The following LYPD6 variants were observed in gnomAD, a reference collection of about 807,000 sequenced individuals.
LYPD6 encodes the protein ly6/PLAUR domain-containing protein 6.
LYPD6 carries 15 observed loss-of-function variants against 22.7 expected under a neutral mutation model. The ratio of observed to expected loss-of-function variants is 0.66; its 90% confidence interval spans 0.44 to 1.02. LYPD6 has a LOEUF of 1.02. Among genes scored for constraint, LYPD6 ranks in the 50% least tolerant of loss-of-function variants. LYPD6 has a pLI of 0.00. For missense variants in LYPD6, 189 were observed against 208.4 expected (o/e 0.91, Z 0.57); for synonymous variants, 72 against 77.5 (o/e 0.93, Z 0.37).
At chr2:149,336,775 A>C (rs894543349) in intron 1 of LYPD6, among the ~76,000 whole-genome samples, 3 of 152,230 alleles carry the variant, frequency 2.0e-5, no homozygotes, top group African/African-American at 4.8e-5. Context: ...AATAAGATTT[A>C]GTATTATAAC....
rs561863512 is a variant in LYPD6 at position 149,470,762 on chromosome 2, C to T, written c.428C>T (p.Thr143Met). The change falls in exon 5 of 5, where the codon ACG (threonine) becomes ATG (methionine). Residue 143 changes from threonine (T) to methionine (M), a missense_variant. By Grantham distance (81) the Thr-to-Met change is moderately conservative. Transcript: ENST00000334166. ...RNETDATFAT[T>M]SPINQTNGHP... ...GAAACTGATGCCACATTTGCCACGA[C>T]GTCACCTATAAATCAGACAAATGGG... is the stretch of plus-strand genomic sequence containing the variant. The T allele has an allele frequency of 3.0e-5, 49 of 1,613,796 alleles. No individual in the cohort carries two copies. In the East Asian group the frequency reaches 4.0e-4, roughly 13 times the overall value.
At chr2:149,407,807 C>T (rs1194689983) in intron 1 of LYPD6, among the ~76,000 whole-genome samples, 2 of 152,168 alleles carry the variant, frequency 1.3e-5, no homozygotes, top group Non-Finnish European at 2.9e-5. Flanking sequence ...AGGAGAGGCA[C>T]TCTGGTTTTT....
chr2:149,468,911 C>T (rs956302522), intron 4 of LYPD6, 136 bp downstream of exon 4: 153 of 848,934 alleles, frequency 1.8e-4, no homozygotes, highest in Admixed American at 1.2e-3. Flanking sequence ...TATGAAAAGA[C>T]GCTTCCTTTC....
At chr2:149,418,309 A>G (rs560883462) in intron 1 of LYPD6, among the ~76,000 whole-genome samples, 1 of 152,348 alleles carries the variant, frequency 6.6e-6, no homozygotes, top group African/African-American at 2.4e-5. Flanking sequence ...CGATTCGATC[A>G]TTTCCTTTTT....
chr2:149,364,591 G>T, intron 1 of LYPD6, among the ~76,000 whole-genome samples: 2 of 149,754 alleles, frequency 1.3e-5, no homozygotes, highest in South Asian at 2.1e-4. Context: ...ATCCTGATTG[G>T]TGCAACATAC....
At chr2:149,445,895 A>G (rs1683676485) in intron 2 of LYPD6, among the ~76,000 whole-genome samples, 3 of 152,230 alleles carry the variant, frequency 2.0e-5, no homozygotes, top group Admixed American at 6.5e-5. Context: ...CTGGCACAAG[A>G]GGCCTAGCTC....
At chr2:149,396,713 A>G (rs1312963003) in intron 1 of LYPD6, among the ~76,000 whole-genome samples, 1 of 152,160 alleles carries the variant, frequency 6.6e-6, no homozygotes, top group Non-Finnish European at 1.5e-5. Context: ...TAACTGTATA[A>G]TCTTGAGAAT....
chr2:149,380,765 A>G (rs981620001), intron 1 of LYPD6, among the ~76,000 whole-genome samples: 2 of 152,232 alleles, frequency 1.3e-5, no homozygotes, highest in Non-Finnish European at 2.9e-5. Context: ...ATTTAAAGCC[A>G]TCAGCCTGGA....
intron 1 of LYPD6, among the ~76,000 whole-genome samples, chr2:149,420,127 C>A (rs1683048068): frequency 6.6e-6 from 1 of 152,148 alleles, no homozygotes; most frequent in Admixed American, 6.5e-5. Context: ...AGAGAGGGGT[C>A]ATGTAATCAA....
intron 1 of LYPD6, among the ~76,000 whole-genome samples, chr2:149,361,429 A>G (rs1328192930): frequency 6.6e-6 from 1 of 152,196 alleles, no homozygotes; most frequent in Non-Finnish European, 1.5e-5. Context: ...TCAGTGTTCA[A>G]AATAATCAGC....
chr2:149,437,940 C>G, intron 2 of LYPD6, 114 bp downstream of exon 2: 1 of 1,137,308 alleles, frequency 8.8e-7, no homozygotes, highest in East Asian at 2.4e-5. Context: ...CGTGATTTAA[C>G]TGGGGTGGTG....
In LYPD6 at chr2:149,472,105, A is replaced by G. The variant is rs1681349359; in HGVS notation, c.*1255A>G. The G allele has an allele frequency of 6.6e-6, 1 of 152,292 alleles. No homozygotes were observed. The highest frequency in any genetic ancestry group is 6.5e-5 in the Admixed American group (1 of 15,282). 9.4% of individuals were successfully genotyped at this position (152,292 alleles called of 1,614,324 possible). On this transcript the variant is annotated 3_prime_UTR_variant, in exon 5 of 5. Coordinates refer to ENST00000334166, the MANE Select transcript of LYPD6 (RefSeq NM_194317.5). ...CTTCTTCCTTGTAAATAATTTAAACAGTATTTATTTTTGTAAGGCATAACT... is the reference window on the plus strand; with the variant it reads ...CTTCTTCCTTGTAAATAATTTAAACGGTATTTATTTTTGTAAGGCATAACT...
intron 1 of LYPD6, among the ~76,000 whole-genome samples, chr2:149,383,337 C>T (rs1162676941): frequency 3.3e-5 from 5 of 152,074 alleles, no homozygotes; most frequent in Admixed American, 6.6e-5. Flanking sequence ...TAAACTTAAC[C>T]ACATCTTTTG....
chr2:149,395,777 A>C (rs1161897292), intron 1 of LYPD6, among the ~76,000 whole-genome samples: 2 of 152,172 alleles, frequency 1.3e-5, no homozygotes, highest in Admixed American at 1.3e-4. Flanking sequence ...ATCCATATTC[A>C]AGAGGTTTCT....
At chr2:149,364,544 A>ATT (rs558543639) in intron 1 of LYPD6, among the ~76,000 whole-genome samples, 1,368 of 135,312 alleles carry the variant, frequency 0.01, 22 homozygotes, top group African/African-American at 0.033. Flanking sequence ...ACAGAGTACA[A>ATT]TTTTTTTTTT....
intron 1 of LYPD6, among the ~76,000 whole-genome samples, chr2:149,358,066 A>G (rs1333324346): frequency 6.6e-6 from 1 of 152,146 alleles, no homozygotes. Context: ...GATTACAGGC[A>G]TGAGCCACTG....
At chr2:149,397,555 C>T (rs1001906044) in intron 1 of LYPD6, among the ~76,000 whole-genome samples, 1 of 152,122 alleles carries the variant, frequency 6.6e-6, no homozygotes, top group African/African-American at 2.4e-5. Context: ...TTAATGATAG[C>T]CACATTTATA....
chr2:149,414,764 C>CA (rs1335707107), intron 1 of LYPD6, among the ~76,000 whole-genome samples: 1 of 152,142 alleles, frequency 6.6e-6, no homozygotes, highest in Non-Finnish European at 1.5e-5. Context: ...ACTGAAAGGA[C>CA]AAAATCCAAA....
rs539853619 is a variant in LYPD6 at position 149,471,395 on chromosome 2, A to G, written c.*545A>G. The G allele has an allele frequency of 2.6e-5, 4 of 152,324 alleles. No individual in the cohort carries two copies. The highest frequency in any genetic ancestry group is 9.6e-5 in the African/African-American group (4 of 41,562). 9.4% of individuals were successfully genotyped at this position (152,324 alleles called of 1,614,324 possible). A position where few individuals can be genotyped will look rare whatever the true frequency, so the allele number is the denominator to read the frequency against. On this transcript the variant is annotated 3_prime_UTR_variant, in exon 5 of 5. Coordinates refer to ENST00000334166, the MANE Select transcript of LYPD6 (RefSeq NM_194317.5). ...TCCAACAATTCCAGCCATTTGTTCA[A>G]TTAATTTTCCCAACATTCTTCTCCC...
Sources: gnomAD v4.1 joint callset for allele counts (sites outside exome capture counted in the v4.1 genomes callset) on GRCh38, gnomAD v4.1.1 for gene constraint, MANE v1.5 for transcripts, NCBI Gene and HGNC (gene_info 2026-07-23, HGNC 2026-07-21) for gene names.